CFAP221: variants seen among roughly 807,000 people sequenced by gnomAD.
CFAP221 encodes the protein cilia- and flagella-associated protein 221.
Under a neutral mutation model 113.1 loss-of-function variants are expected in CFAP221, and 97 were observed. The observed-to-expected ratio is 0.86, with a 90% CI of 0.73 to 1.02. The LOEUF is 1.02. Ranked by LOEUF, CFAP221 falls within the 50% of genes least tolerant of loss-of-function variation. The pLI is 0.00. For synonymous variants in CFAP221, 331 were observed against 354.4 expected, an observed-to-expected ratio of 0.93 and a Z score of 0.74; for missense variants, 1,025 against 1,013.4, an observed-to-expected ratio of 1.01 and a Z score of -0.16.
intron 6 of CFAP221, chr2:119,572,499 G>T (rs746769129): frequency 3.0e-6 from 2 of 673,810 alleles, no homozygotes; most frequent in South Asian, 3.2e-5. Context: ...CCATTCCCAT[G>T]GTTCTAAAAA....
chr2:119,651,733 A>G (rs1688141292), intron 22 of CFAP221, among the ~76,000 whole-genome samples: 2 of 152,152 alleles, frequency 1.3e-5, no homozygotes, highest in Non-Finnish European at 2.9e-5. Context: ...TGTAACCCCC[A>G]TTTTTAAAAA....
rs1012636142 is a variant in CFAP221, at chr2:119,544,530, G to A, written c.-48+20G>A. On this transcript the variant is annotated intron_variant, in intron 1 of 23. Transcript: ENST00000413369. The stretch of plus-strand genomic sequence containing the variant: ...TCCAGGGTGAGCGGCCAGGGACCTG[G>A]GGCCCGGGTGGCCCAGGGTCGGCCG... 4.6e-5 allele frequency: 7 copies of A among 152,066 alleles called. No individual in the cohort carries two copies. Among genetic ancestry groups the A allele is most frequent in the Admixed American group, 1.3e-4 (2 of 15,270 alleles). 9.4% of individuals were successfully genotyped at this position (152,066 alleles called of 1,614,324 possible). A position where few individuals can be genotyped will look rare whatever the true frequency, so the allele number is the denominator to read the frequency against.
intron 12 of CFAP221, among the ~76,000 whole-genome samples, chr2:119,610,063 T>C (rs1236741351): frequency 6.6e-6 from 1 of 152,232 alleles, no homozygotes; most frequent in Admixed American, 6.5e-5. Flanking sequence ...GTATTGTCTG[T>C]CAACCCAACA....
At chr2:119,618,516 C>T (rs1558967396) in intron 14 of CFAP221, among the ~76,000 whole-genome samples, 1 of 152,160 alleles carries the variant, frequency 6.6e-6, no homozygotes, top group East Asian at 1.9e-4. Flanking sequence ...CCAAGGGAAG[C>T]CATGAGGGAC....
At chr2:119,558,587 G>A (rs1306354897) in intron 3 of CFAP221, among the ~76,000 whole-genome samples, 1 of 152,098 alleles carries the variant, frequency 6.6e-6, no homozygotes, top group Non-Finnish European at 1.5e-5. Context: ...AGAGGCCAAC[G>A]TGAGAAGACC....
At chr2:119,567,094 C>T (rs181789262) in intron 6 of CFAP221, among the ~76,000 whole-genome samples, 446 of 152,222 alleles carry the variant, frequency 2.9e-3, no homozygotes, top group South Asian at 0.018. Flanking sequence ...ACCCAAGTGC[C>T]GTATTTGTTA....
chr2:119,647,145 C>G, intron 22 of CFAP221, 95 bp downstream of exon 22: 1 of 892,448 alleles, frequency 1.1e-6, no homozygotes, highest in Non-Finnish European at 1.7e-6. Context: ...GCACACAGTT[C>G]CTGAGCTTGC....
intron 12 of CFAP221, among the ~76,000 whole-genome samples, chr2:119,610,888 C>T (rs1002827016): frequency 7.2e-5 from 11 of 152,282 alleles, no homozygotes; most frequent in African/African-American, 2.6e-4. Flanking sequence ...GTCCCCTTTC[C>T]CACCTGGGCA....
At chr2:119,654,686 C>T (rs1688329029) in intron 23 of CFAP221, among the ~76,000 whole-genome samples, 1 of 152,182 alleles carries the variant, frequency 6.6e-6, no homozygotes, top group Non-Finnish European at 1.5e-5. Flanking sequence ...ATTTTCTGCA[C>T]ACCAAGTCAG....
At chr2:119,622,587 A>G (rs1187837490) in intron 14 of CFAP221, among the ~76,000 whole-genome samples, 4 of 152,246 alleles carry the variant, frequency 2.6e-5, no homozygotes, top group African/African-American at 9.6e-5. Flanking sequence ...TCAGGCCAAT[A>G]TCCCTGATGA....
intron 22 of CFAP221, among the ~76,000 whole-genome samples, chr2:119,648,163 C>T (rs922820051): frequency 1.4e-4 from 22 of 152,202 alleles, no homozygotes; most frequent in African/African-American, 5.3e-4. Context: ...GATATACTAC[C>T]ATTAATGACC....
intron 19 of CFAP221, among the ~76,000 whole-genome samples, chr2:119,631,775 C>G (rs192235928): frequency 6.6e-6 from 1 of 152,006 alleles, no homozygotes; most frequent in Non-Finnish European, 1.5e-5. Context: ...CCTAACTGAT[C>G]AGGAAAAAAG....
At chr2:119,595,767 A>G (rs746345004) in intron 7 of CFAP221, among the ~76,000 whole-genome samples, 4 of 152,128 alleles carry the variant, frequency 2.6e-5, no homozygotes, top group Admixed American at 6.5e-5. Flanking sequence ...AAAATAAGAC[A>G]TGGTGATGTG....
chr2:119,548,141 T>G (rs1445142418), intron 2 of CFAP221, among the ~76,000 whole-genome samples: 1 of 152,018 alleles, frequency 6.6e-6, no homozygotes, highest in Non-Finnish European at 1.5e-5. Context: ...TTTTAAAATT[T>G]TTTGCAGAGA....
intron 6 of CFAP221, chr2:119,573,387 A>C (rs1341076772): frequency 6.6e-6 from 1 of 152,202 alleles, no homozygotes; most frequent in African/African-American, 2.4e-5. Context: ...CCCAAGCTTG[A>C]AGTTGATGGA....
intron 23 of CFAP221, 84 bp downstream of exon 23, chr2:119,652,153 T>C: frequency 1.0e-6 from 1 of 1,000,284 alleles, no homozygotes; most frequent in South Asian, 1.7e-5. Context: ...TCATGTTGTC[T>C]GAGTCTAAAT....
intron 2 of CFAP221, among the ~76,000 whole-genome samples, chr2:119,546,687 C>G (rs1359472113): frequency 1.3e-5 from 2 of 152,164 alleles, no homozygotes; most frequent in South Asian, 2.1e-4. Context: ...TTGCTTGGCC[C>G]CCTTCACTGT....
At chr2:119,617,640 T>A (rs1685619485) in intron 14 of CFAP221, among the ~76,000 whole-genome samples, 1 of 152,200 alleles carries the variant, frequency 6.6e-6, no homozygotes, top group South Asian at 2.1e-4. Flanking sequence ...GCCAATTCTT[T>A]GCCTAATCTC....
chr2:119,591,160 C>T (rs1427906632), intron 7 of CFAP221, among the ~76,000 whole-genome samples: 1 of 152,022 alleles, frequency 6.6e-6, no homozygotes, highest in African/African-American at 2.4e-5. Context: ...CAGCTGGGGG[C>T]CATATGCAGG....
Sources: gnomAD v4.1 joint callset for allele counts (sites outside exome capture counted in the v4.1 genomes callset) on GRCh38, gnomAD v4.1.1 for gene constraint, MANE v1.5 for transcripts, NCBI Gene and HGNC (gene_info 2026-07-23, HGNC 2026-07-21) for gene names.